The following BRWD3 variants were observed in gnomAD, a reference collection of about 807,000 sequenced individuals.
The protein encoded by BRWD3 is bromodomain and WD repeat domain containing 3.
BRWD3 carries 10 observed loss-of-function variants against 149.7 expected under a neutral mutation model. The observed-to-expected ratio is 0.07, with a 90% CI of 0.04 to 0.11. The LOEUF (loss-of-function observed/expected upper bound fraction) is 0.11. Ranked by LOEUF, BRWD3 falls within the 10% of genes least tolerant of loss-of-function variation. The pLI, the probability that BRWD3 is intolerant of heterozygous loss-of-function variation, is 1.00. For synonymous variants in BRWD3, 504 were observed against 456.7 expected, an observed-to-expected ratio of 1.10 and a Z score of -1.32; for missense variants, 940 against 1,373.2, an observed-to-expected ratio of 0.68 and a Z score of 4.99.
intron 8 of BRWD3, among the ~76,000 whole-genome samples, chrX:80,743,492 T>C (rs1385616230): frequency 8.9e-6 from 1 of 111,804 alleles, no homozygotes; most frequent in Non-Finnish European, 1.9e-5. Context: ...TCCTTGCACC[T>C]CTGGTAGAAT....
intron 8 of BRWD3, among the ~76,000 whole-genome samples, chrX:80,741,765 T>G (rs2073511080): frequency 8.9e-6 from 1 of 112,050 alleles, no homozygotes; most frequent in South Asian, 3.7e-4. Flanking sequence ...TTGTTTGTTT[T>G]TTTCTTGTAA....
intron 36 of BRWD3, 103 bp downstream of exon 36, chrX:80,685,359 G>C: frequency 1.4e-6 from 1 of 715,970 alleles, no homozygotes; most frequent in South Asian, 2.4e-5. Context: ...AAGGGGAGCA[G>C]AGTTAGAAGG....
At chrX:80,710,419 C>T (rs1192551719) in intron 20 of BRWD3, 2 of 335,071 alleles carry the variant, frequency 6.0e-6, no homozygotes, top group East Asian at 6.6e-5. Context: ...TCAGTCAGCT[C>T]GTACTTACTT....
At chrX:80,729,762 C>T (rs1462398236) in intron 13 of BRWD3, among the ~76,000 whole-genome samples, 154 bp downstream of exon 13, 5 of 111,404 alleles carry the variant, frequency 4.5e-5, no homozygotes, top group South Asian at 7.4e-4. Flanking sequence ...TCAACAGTAA[C>T]GAAGATTTGC....
intron 40 of BRWD3, among the ~76,000 whole-genome samples, chrX:80,678,174 A>G (rs2072393222): frequency 8.9e-6 from 1 of 112,478 alleles, no homozygotes; most frequent in Non-Finnish European, 1.9e-5. Flanking sequence ...GCAGTATTCT[A>G]GGTAAGACAT....
intron 6 of BRWD3, among the ~76,000 whole-genome samples, chrX:80,774,953 CTCA>C (rs1263167946): frequency 1.8e-5 from 2 of 111,894 alleles, no homozygotes; most frequent in Non-Finnish European, 1.9e-5. Context: ...AAATAAAATT[CTCA>C]TCATATGATT....
rs189153159 is a variant in BRWD3, at chrX:80,766,968, C to A, written c.431-21239G>T. Among the ~76,000 whole-genome samples the A allele has an allele frequency of 2.0e-4, 22 of 112,511 alleles. No individual in the cohort carries two copies. In the East Asian group the frequency reaches 4.2e-3, roughly 22 times the overall value. The stretch of plus-strand genomic sequence containing the variant: ...CACACTAGGAGATTATAGCCCGCAC[C>A]TGTCTCTGCGAATCCCAAGCCCACC... On this transcript the variant is annotated intron_variant, in intron 6 of 40. Transcript: ENST00000373275.
chrX:80,682,355 C>CA, intron 38 of BRWD3, 110 bp downstream of exon 38: 1 of 915,013 alleles, frequency 1.1e-6, no homozygotes, highest in Non-Finnish European at 1.6e-6. Flanking sequence ...AGGAAACAAA[C>CA]AAAAAAAGAC....
intron 6 of BRWD3, chrX:80,746,716 T>G (rs1209270451): frequency 4.4e-6 from 1 of 225,281 alleles, no homozygotes; most frequent in Non-Finnish European, 6.3e-6. Context: ...GAAAATAGCT[T>G]CATGTTCAAG....
In BRWD3 at chrX:80,728,815, T is replaced by C. The variant is rs2073285651; in HGVS notation, c.1323A>G (p.Ala441=). 4 of 1,203,623 alleles carry C rather than the reference T, an allele frequency of 3.3e-6. No individual in the cohort carries two copies. Among genetic ancestry groups the C allele is most frequent in the African/African-American group, 1.7e-5 (1 of 57,247 alleles). Reference sequence around the variant, plus strand: ...ACACTTTCAAAAGAAAATTGTTCACTGCAGTAATAACTGTGGTATCATAGC... The same window carrying C: ...ACACTTTCAAAAGAAAATTGTTCACCGCAGTAATAACTGTGGTATCATAGC... The part of the protein sequence containing the change: ...WDRYDTTVIT[A]VNNFLLKVWN... The change falls in exon 14 of 41, where the codon GCA becomes GCG. Residue 441 remains alanine, a synonymous_variant. Transcript: ENST00000373275.
In BRWD3 at chrX:80,809,319, G is replaced by A. The variant is rs377725358; in HGVS notation, c.32-15C>T. 8.4e-7 allele frequency: 1 copy of A among 1,184,769 alleles called. No individual in the cohort carries two copies. The highest frequency in any genetic ancestry group is 1.8e-5 in the African/African-American group (1 of 56,664). On this transcript the variant is annotated splice_polypyrimidine_tract_variant and intron_variant, in intron 1 of 40. Transcript: ENST00000373275. ...GTAATACAGCTCTGGGGAAGAGGGG[G>A]GAAAAGAGGTTCAGAGGGAGGTAGA...
intron 6 of BRWD3, among the ~76,000 whole-genome samples, chrX:80,768,091 A>G (rs1306165684): frequency 8.9e-6 from 1 of 111,833 alleles, no homozygotes; most frequent in African/African-American, 3.3e-5. Flanking sequence ...GAAAAGACCA[A>G]ATCTACGTCT....
At chrX:80,755,743 AGGGAATGGTTAC>A (rs2073729434) in intron 6 of BRWD3, among the ~76,000 whole-genome samples, 1 of 112,169 alleles carries the variant, frequency 8.9e-6, no homozygotes. Flanking sequence ...TCCAGTATCA[AGGGAATGGTTAC>A]GTATTAAATT....
intron 40 of BRWD3, among the ~76,000 whole-genome samples, chrX:80,678,027 A>C (rs2072389284): frequency 9.0e-6 from 1 of 111,169 alleles, no homozygotes; most frequent in Non-Finnish European, 1.9e-5. Context: ...GTAGTAGGAG[A>C]TGAGTGCCAG....
At chrX:80,692,493 A>T (rs2072625447) in intron 28 of BRWD3, among the ~76,000 whole-genome samples, 1 of 112,176 alleles carries the variant, frequency 8.9e-6, no homozygotes. Flanking sequence ...GTAGATGTTG[A>T]AAACAAATAG....
intron 6 of BRWD3, among the ~76,000 whole-genome samples, chrX:80,766,380 G>A (rs911784529): frequency 1.4e-4 from 16 of 110,826 alleles, no homozygotes; most frequent in African/African-American, 5.3e-4. Context: ...TCACATAAAC[G>A]ACTTCCTTAT....
intron 21 of BRWD3, among the ~76,000 whole-genome samples, chrX:80,709,037 G>A (rs756569710): frequency 1.8e-5 from 2 of 111,703 alleles, no homozygotes; most frequent in Non-Finnish European, 3.8e-5. Context: ...TATGAGGGGT[G>A]AAGTCAATAA....
chrX:80,750,826 G>A (rs1428859154), intron 6 of BRWD3, among the ~76,000 whole-genome samples: 1 of 104,525 alleles, frequency 9.6e-6, no homozygotes, highest in Admixed American at 1.1e-4. Context: ...CAATCTAAGT[G>A]TCCATCAGAT....
intron 6 of BRWD3, among the ~76,000 whole-genome samples, chrX:80,772,603 A>G (rs946280467): frequency 7.2e-5 from 8 of 110,741 alleles, no homozygotes; most frequent in Admixed American, 2.9e-4. Flanking sequence ...GTACCCTAGA[A>G]CTTAAAGTAT....
Sources: gnomAD v4.1 joint callset for allele counts (sites outside exome capture counted in the v4.1 genomes callset) on GRCh38, gnomAD v4.1.1 for gene constraint, MANE v1.5 for transcripts, NCBI Gene and HGNC (gene_info 2026-07-23, HGNC 2026-07-21) for gene names.